The following PAK1 variants were observed in gnomAD, a reference collection of about 807,000 sequenced individuals.
The protein encoded by PAK1 is serine/threonine-protein kinase PAK 1.
PAK1 carries 29 observed loss-of-function variants against 67.4 expected under a neutral mutation model. The observed-to-expected ratio is 0.43, with a 90% CI of 0.32 to 0.59. PAK1 has a LOEUF of 0.59. PAK1 is among the 20% of genes least tolerant of loss of function. The pLI, the probability that PAK1 is intolerant of heterozygous loss-of-function variation, is 0.07. For missense variants in PAK1, 337 were observed against 670.7 expected, an observed-to-expected ratio of 0.50 and a Z score of 5.50; for synonymous variants, 223 against 237.4, an observed-to-expected ratio of 0.94 and a Z score of 0.56.
the PAK1 span, among the ~76,000 whole-genome samples, chr11:77,528,169 G>A: frequency 2.0e-5 from 3 of 151,962 alleles, no homozygotes; most frequent in East Asian, 5.8e-4. Flanking sequence ...TAAATTCAAG[G>A]TTTATCATTT....
At chr11:77,379,537 CT>C in intron 3 of PAK1, 149 bp from the exon 4 acceptor site, 1 of 671,424 alleles carries the variant, frequency 1.5e-6, no homozygotes, top group South Asian at 2.0e-5. Flanking sequence ...TTACACAAGC[CT>C]CTTTTATAAT....
intron 1 of PAK1, chr11:77,412,011 A>G (rs1208850271): frequency 6.6e-6 from 1 of 152,304 alleles, no homozygotes; most frequent in Non-Finnish European, 1.5e-5. Context: ...GCGGGGGAAG[A>G]AAGGAGGGAA....
intron 1 of PAK1, among the ~76,000 whole-genome samples, chr11:77,427,130 G>T (rs558212810): frequency 7.2e-5 from 11 of 152,256 alleles, no homozygotes; most frequent in Admixed American, 7.2e-4. Context: ...TCCAAAAAGT[G>T]CAGACTGGTA....
intron 1 of PAK1, among the ~76,000 whole-genome samples, chr11:77,396,527 T>A (rs1319518924): frequency 6.6e-6 from 1 of 152,190 alleles, no homozygotes; most frequent in Non-Finnish European, 1.5e-5. Context: ...ACAGAACAGG[T>A]AATCAATAAA....
At chr11:77,338,202 C>T (rs1390660010) in intron 11 of PAK1, among the ~76,000 whole-genome samples, 1 of 152,152 alleles carries the variant, frequency 6.6e-6, no homozygotes, top group Non-Finnish European at 1.5e-5. Context: ...ATCATCTCAG[C>T]TTTTCTACTA....
chr11:77,439,591 C>G (rs1257892441), intron 1 of PAK1, among the ~76,000 whole-genome samples: 2 of 152,086 alleles, frequency 1.3e-5, no homozygotes, highest in African/African-American at 4.8e-5. Context: ...AAAGAATAAC[C>G]CTTAGCAGAC....
chr11:77,413,416 A>T (rs1954758877), intron 1 of PAK1, among the ~76,000 whole-genome samples: 1 of 152,232 alleles, frequency 6.6e-6, no homozygotes, highest in Non-Finnish European at 1.5e-5. Flanking sequence ...TGGAAAACAG[A>T]ATACGATGGT....
intron 2 of PAK1, among the ~76,000 whole-genome samples, chr11:77,389,417 T>TA (rs1457302140): frequency 6.6e-6 from 1 of 152,256 alleles, no homozygotes; most frequent in Non-Finnish European, 1.5e-5. Flanking sequence ...ACTCTATGTT[T>TA]AATCTTTTGA....
At chr11:77,437,613 G>A (rs945879036) in intron 1 of PAK1, among the ~76,000 whole-genome samples, 3 of 151,996 alleles carry the variant, frequency 2.0e-5, no homozygotes, top group Non-Finnish European at 4.4e-5. Flanking sequence ...AGCCACTACC[G>A]GCATCTAGCA....
intron 1 of PAK1, among the ~76,000 whole-genome samples, chr11:77,438,331 A>G (rs1956216584): frequency 6.6e-6 from 1 of 152,188 alleles, no homozygotes. Flanking sequence ...ACCATTCATG[A>G]GAAATCCATT....
the PAK1 span, among the ~76,000 whole-genome samples, chr11:77,492,292 G>A: frequency 2.0e-5 from 3 of 151,196 alleles, no homozygotes; most frequent in Non-Finnish European, 4.4e-5. Flanking sequence ...CTGAGATCAC[G>A]CCACTGCACA....
chr11:77,429,557 T>C (rs1955762631), intron 1 of PAK1, among the ~76,000 whole-genome samples: 1 of 152,208 alleles, frequency 6.6e-6, no homozygotes, highest in Non-Finnish European at 1.5e-5. Context: ...ACAGCACCAG[T>C]TCTGTAATAT....
intron 1 of PAK1, among the ~76,000 whole-genome samples, chr11:77,400,214 C>T (rs1952486179): frequency 6.6e-6 from 1 of 151,928 alleles, no homozygotes; most frequent in Non-Finnish European, 1.5e-5. Flanking sequence ...GCATCCAGAC[C>T]ACAGAATAAC....
chr11:77,414,930 A>G (rs114002652), intron 1 of PAK1, among the ~76,000 whole-genome samples: 146 of 152,354 alleles, frequency 9.6e-4, no homozygotes, highest in African/African-American at 3.5e-3. Flanking sequence ...TCTGCAAAAT[A>G]CAGTGTTAAG....
intron 1 of PAK1, among the ~76,000 whole-genome samples, chr11:77,434,151 G>A (rs1239189105): frequency 6.6e-6 from 1 of 151,920 alleles, no homozygotes; most frequent in African/African-American, 2.4e-5. Context: ...ATACTTAAAG[G>A]TAAATGAAAA....
At chr11:77,374,792 G>A (rs543981521) in intron 4 of PAK1, among the ~76,000 whole-genome samples, 3 of 152,202 alleles carry the variant, frequency 2.0e-5, no homozygotes, top group East Asian at 1.9e-4. Flanking sequence ...TGTACAGCAC[G>A]TTACTGCAGG....
chr11:77,523,238 T>G, the PAK1 span, among the ~76,000 whole-genome samples: 1 of 152,252 alleles, frequency 6.6e-6, no homozygotes, highest in Non-Finnish European at 1.5e-5. Flanking sequence ...TTGAAAAATT[T>G]TTTAAAAGGT....
chr11:77,517,613 G>A, the PAK1 span, among the ~76,000 whole-genome samples: 3 of 152,218 alleles, frequency 2.0e-5, no homozygotes, highest in African/African-American at 7.2e-5. Flanking sequence ...TGTATGTGGG[G>A]AGGGATGGTT....
At chr11:77,436,955 A>C (rs183252690) in intron 1 of PAK1, among the ~76,000 whole-genome samples, 186 of 152,314 alleles carry the variant, frequency 1.2e-3, no homozygotes, top group Non-Finnish European at 6.6e-4. Context: ...GATTTTACAC[A>C]AGCCTCTTTC....
Sources: gnomAD v4.1 joint callset for allele counts (sites outside exome capture counted in the v4.1 genomes callset) on GRCh38, gnomAD v4.1.1 for gene constraint, MANE v1.5 for transcripts, NCBI Gene and HGNC (gene_info 2026-07-23, HGNC 2026-07-21) for gene names.